NCKAP1: variants seen among roughly 807,000 people sequenced by gnomAD.
The protein encoded by NCKAP1 is NCK associated protein 1, also known as nck-associated protein 1.
Under a neutral mutation model 151.2 loss-of-function variants are expected in NCKAP1, and 21 were observed. The observed-to-expected ratio is 0.14, with a 90% CI of 0.10 to 0.20. The LOEUF (loss-of-function observed/expected upper bound fraction) is 0.20. NCKAP1 is among the 10% of genes least tolerant of loss of function. The probability of loss-of-function intolerance (pLI) is 1.00; values close to 1 mark genes in which losing one functional copy is unlikely to be tolerated. For synonymous variants in NCKAP1, 484 were observed against 451.8 expected (o/e 1.07, Z -0.90); for missense variants, 933 against 1,352.1 (o/e 0.69, Z 4.86).
At chr2:182,979,164 T>G (rs1697887509) in intron 13 of NCKAP1, among the ~76,000 whole-genome samples, 1 of 152,086 alleles carries the variant, frequency 6.6e-6, no homozygotes, top group Admixed American at 6.5e-5. Context: ...ATAGGAAAAT[T>G]TATATGAAAA....
At chr2:183,006,481 G>A (rs1698474515) in intron 2 of NCKAP1, among the ~76,000 whole-genome samples, 2 of 152,048 alleles carry the variant, frequency 1.3e-5, no homozygotes, top group African/African-American at 4.8e-5. Context: ...TATGTGTCAG[G>A]CATCGATTGT....
intron 20 of NCKAP1, among the ~76,000 whole-genome samples, 190 bp downstream of exon 20, chr2:182,956,272 C>G (rs1161772564): frequency 6.6e-6 from 1 of 152,168 alleles, no homozygotes; most frequent in Non-Finnish European, 1.5e-5. Context: ...GATCTCCTGA[C>G]CTCGTGATCT....
At chr2:182,979,073 G>A (rs1034585331) in intron 13 of NCKAP1, among the ~76,000 whole-genome samples, 158 bp from the exon 14 acceptor site, 4 of 151,898 alleles carry the variant, frequency 2.6e-5, no homozygotes, top group Non-Finnish European at 2.9e-5. Context: ...ACCATAACAC[G>A]AATCTCAAAA....
At chr2:183,003,051 T>TA in intron 3 of NCKAP1, 21 bp from the exon 4 acceptor site, 2 of 1,587,674 alleles carry the variant, frequency 1.3e-6, no homozygotes, top group Non-Finnish European at 1.7e-6. Context: ...ATACTTATTT[T>TA]AATCTTTTAT....
chr2:182,988,955 T>TC, intron 9 of NCKAP1, 75 bp downstream of exon 9: 1 of 1,334,068 alleles, frequency 7.5e-7, no homozygotes, highest in Non-Finnish European at 1.1e-6. Flanking sequence ...TACTCCTTTA[T>TC]CCCCAAAACT....
At chr2:182,977,538 A>C (rs1015648535) in intron 14 of NCKAP1, among the ~76,000 whole-genome samples, 1 of 152,158 alleles carries the variant, frequency 6.6e-6, no homozygotes, top group African/African-American at 2.4e-5. Flanking sequence ...CTAAAAAAGA[A>C]AGGAAATTCT....
chr2:183,023,410 A>G (rs1698832162), intron 2 of NCKAP1, among the ~76,000 whole-genome samples: 1 of 152,182 alleles, frequency 6.6e-6, no homozygotes, highest in Non-Finnish European at 1.5e-5. Flanking sequence ...TTAAAACTAA[A>G]TACAGCTAAC....
At chr2:182,962,921 G>A (rs903007635) in intron 17 of NCKAP1, among the ~76,000 whole-genome samples, 2 of 150,608 alleles carry the variant, frequency 1.3e-5, no homozygotes, top group African/African-American at 4.9e-5. Flanking sequence ...TCTTATCTAT[G>A]GTAACTGGAA....
intron 15 of NCKAP1, among the ~76,000 whole-genome samples, chr2:182,969,970 C>T (rs1171825791): frequency 1.3e-5 from 2 of 151,864 alleles, no homozygotes; most frequent in East Asian, 1.9e-4. Context: ...CCAAAAACTT[C>T]CAAGGATTAG....
chr2:183,024,946 C>A (rs780994804), intron 1 of NCKAP1: 8 of 1,609,974 alleles, frequency 5.0e-6, no homozygotes, highest in Non-Finnish European at 6.8e-6. Context: ...AGCGGGCAAG[C>A]GGGCAGAGGG....
chr2:183,008,866 G>A (rs2105881738), intron 2 of NCKAP1, among the ~76,000 whole-genome samples: 1 of 152,222 alleles, frequency 6.6e-6, no homozygotes, highest in African/African-American at 2.4e-5. Context: ...CAACCATAGA[G>A]ACTGACATAT....
At position 183,002,205 on chromosome 2, in the gene NCKAP1, A is replaced by G. The variant is rs1698386788; in HGVS notation, c.434T>C (p.Ile145Thr). ...CCTTTCTTCAATTCGAGACAGCAGTATCATTAGTGTTGTATAGGTTATAAT... is the reference window on the plus strand; with the variant it reads ...CCTTTCTTCAATTCGAGACAGCAGTGTCATTAGTGTTGTATAGGTTATAAT... Reference protein sequence around the residue: ...DLIITYTTLMILLSRIEERKA... With the variant: ...DLIITYTTLMTLLSRIEERKA... Residue 145 changes from isoleucine to threonine, a missense_variant, in exon 5 of 31, where the codon ATA becomes ACA. By Grantham distance (89) the Ile-to-Thr change is moderately conservative. Around this residue, in one of 2 missense-constraint regions of NCKAP1, gnomAD observed 607 missense variants for 795.0 expected, o/e 0.76. Coordinates refer to ENST00000361354, the MANE Select transcript of NCKAP1 (RefSeq NM_013436.5). The G allele has an allele frequency of 1.3e-6, 2 of 1,588,964 alleles. No homozygotes were observed. The highest frequency in any genetic ancestry group is 1.3e-5 in the African/African-American group (1 of 74,444).
intron 15 of NCKAP1, among the ~76,000 whole-genome samples, chr2:182,972,014 C>A (rs556300371): frequency 6.6e-6 from 1 of 152,066 alleles, no homozygotes; most frequent in Non-Finnish European, 1.5e-5. Context: ...TCAAAGATTT[C>A]TTGAGTTAGA....
At chr2:182,960,368 T>TACCAAAACAGCATGGTACG (rs1559082904) in intron 18 of NCKAP1, among the ~76,000 whole-genome samples, 1 of 152,084 alleles carries the variant, frequency 6.6e-6, no homozygotes, top group Non-Finnish European at 1.5e-5. Flanking sequence ...AGCATGGTAC[T>TACCAAAACAGCATGGTACG]GGTACCAAAA....
intron 14 of NCKAP1, among the ~76,000 whole-genome samples, chr2:182,978,610 C>T (rs1697873969): frequency 6.6e-6 from 1 of 151,964 alleles, no homozygotes; most frequent in South Asian, 2.1e-4. Flanking sequence ...GTTTTTGTTA[C>T]AAAATGCTTT....
chr2:182,927,369 C>T (rs1304410015), intron 29 of NCKAP1: 5 of 152,048 alleles, frequency 3.3e-5, no homozygotes, highest in African/African-American at 1.2e-4. Context: ...TAGTGTTTTC[C>T]TTGAAATAGA....
intron 23 of NCKAP1, among the ~76,000 whole-genome samples, chr2:182,944,515 C>CG: frequency 6.6e-6 from 1 of 152,046 alleles, no homozygotes; most frequent in African/African-American, 2.4e-5. Flanking sequence ...CAAGAATTTT[C>CG]GTAGAAAAAA....
In NCKAP1 at chr2:183,004,924, A is replaced by G. The variant is rs185604103; in HGVS notation, c.220-1599T>C. ...AAAAAAGAAAATATTCACAAATGAA[A>G]TATTTCATTACTACCCCTAAATACC... On this transcript the variant is annotated intron_variant, in intron 2 of 30. Coordinates refer to ENST00000361354, the MANE Select transcript of NCKAP1 (RefSeq NM_013436.5). 2.3e-3 allele frequency among the ~76,000 whole-genome samples: 355 copies of G among 152,086 alleles called. 1 individual carries two copies. Among genetic ancestry groups the G allele is most frequent in the Non-Finnish European group, 3.6e-3 (243 of 67,976 alleles).
chr2:182,926,669 C>G (rs1696654565), intron 30 of NCKAP1, 147 bp downstream of exon 30: 2 of 535,062 alleles, frequency 3.7e-6, no homozygotes, highest in Non-Finnish European at 3.3e-6. Context: ...TGATGTCAGT[C>G]TTCTCTGCAA....
Sources: allele counts gnomAD v4.1 joint callset (sites outside exome capture counted in the v4.1 genomes callset), GRCh38; gene constraint gnomAD v4.1.1; regional missense constraint gnomAD v4.1.1; transcripts MANE v1.5; gene names NCBI Gene and HGNC (gene_info 2026-07-23, HGNC 2026-07-21).